DYNC1I1: variants seen among roughly 807,000 people sequenced by gnomAD.
DYNC1I1 encodes dynein cytoplasmic 1 intermediate chain 1.
A neutral mutation model predicts 86.6 loss-of-function variants in DYNC1I1; 43 were observed. That is an observed-to-expected ratio of 0.50 (90% CI 0.39 to 0.64). The LOEUF (loss-of-function observed/expected upper bound fraction) is 0.64. Ranked by LOEUF, DYNC1I1 falls within the 30% of genes least tolerant of loss-of-function variation. The pLI is 0.00. For synonymous variants in DYNC1I1, 262 were observed against 283.7 expected (o/e 0.92, Z 0.77); for missense variants, 604 against 788.8 (o/e 0.77, Z 2.81).
chr7:95,905,654 G>C (rs1005268517), intron 6 of DYNC1I1, among the ~76,000 whole-genome samples: 1 of 151,764 alleles, frequency 6.6e-6, no homozygotes, highest in African/African-American at 2.4e-5. Flanking sequence ...TCTTTCTTCG[G>C]GTAGGGATAG....
chr7:95,943,418 G>A (rs1320146580), intron 6 of DYNC1I1, among the ~76,000 whole-genome samples: 5 of 151,690 alleles, frequency 3.3e-5, no homozygotes, highest in Non-Finnish European at 7.4e-5. Context: ...TGGGTAGGAG[G>A]AATCAATATC....
intron 14 of DYNC1I1, among the ~76,000 whole-genome samples, chr7:96,039,647 C>G (rs1788975717): frequency 1.3e-5 from 2 of 152,088 alleles, no homozygotes. Context: ...AAAATTCAAA[C>G]AATTCAAATA....
chr7:96,011,522 G>A (rs753496652), intron 10 of DYNC1I1, among the ~76,000 whole-genome samples: 4 of 152,086 alleles, frequency 2.6e-5, no homozygotes, highest in Non-Finnish European at 5.9e-5. Context: ...AGGAAAAATT[G>A]CTCAGGAGAA....
intron 8 of DYNC1I1, among the ~76,000 whole-genome samples, 192 bp from the exon 9 acceptor site, chr7:95,986,864 G>A (rs902699156): frequency 2.6e-5 from 4 of 151,990 alleles, no homozygotes; most frequent in Non-Finnish European, 1.5e-5. Context: ...ACCCTTGCCA[G>A]GTCAGGTTAG....
At chr7:96,076,318 G>T in intron 15 of DYNC1I1, 121 bp downstream of exon 15, 4 of 1,390,786 alleles carry the variant, frequency 2.9e-6, no homozygotes, top group South Asian at 1.5e-5. Flanking sequence ...ACTGCAGCAG[G>T]GCTGCCGGCC....
chr7:95,814,470 G>A (rs966041951), intron 4 of DYNC1I1, among the ~76,000 whole-genome samples: 8 of 152,156 alleles, frequency 5.3e-5, no homozygotes, highest in African/African-American at 2.4e-5. Context: ...GTCCTTGTCT[G>A]TGTGCATTTC....
intron 6 of DYNC1I1, among the ~76,000 whole-genome samples, chr7:95,939,247 G>A (rs1480659730): frequency 1.3e-5 from 2 of 152,184 alleles, no homozygotes; most frequent in African/African-American, 4.8e-5. Context: ...TAGGTGTGGT[G>A]TGGTGCTGAA....
At chr7:95,835,835 C>T (rs374680503) in intron 5 of DYNC1I1, among the ~76,000 whole-genome samples, 19 of 151,946 alleles carry the variant, frequency 1.3e-4, no homozygotes, top group South Asian at 2.1e-4. Flanking sequence ...GTAGATCTTC[C>T]TCCATCCTTT....
intron 6 of DYNC1I1, among the ~76,000 whole-genome samples, chr7:95,875,748 C>T (rs1486227976): frequency 5.3e-5 from 8 of 152,270 alleles, no homozygotes; most frequent in Middle Eastern, 3.4e-3. Flanking sequence ...TGGGCACTGG[C>T]ACCCTGTGTT....
At chr7:95,818,382 G>A (rs1794995252) in intron 4 of DYNC1I1, 1 of 488,266 alleles carries the variant, frequency 2.0e-6, no homozygotes, top group Non-Finnish European at 3.7e-6. Context: ...GCTCAATGAA[G>A]CCTCGAATTC....
At chr7:96,046,042 A>G (rs896606092) in intron 14 of DYNC1I1, among the ~76,000 whole-genome samples, 10 of 152,200 alleles carry the variant, frequency 6.6e-5, no homozygotes, top group African/African-American at 2.2e-4. Flanking sequence ...CTGCCGCACC[A>G]CGTTTCATCA....
At position 95,804,719 on chromosome 7, in the gene DYNC1I1, A is replaced by G. The variant is rs748345134; in HGVS notation, c.-9-2A>G. 2.5e-6 allele frequency: 4 copies of G among 1,578,742 alleles called. No homozygotes were observed. In the African/African-American group the frequency reaches 4.1e-5, roughly 16 times the overall value. On this transcript the variant is annotated splice_acceptor_variant, in intron 1 of 16. Coordinates refer to ENST00000447467, the MANE Select transcript of DYNC1I1 (RefSeq NM_001135556.2). LOFTEE classifies it low-confidence loss of function (5UTR_SPLICE). ...TTCACTTTTTTTTTCTCTTTCTCCA[A>G]GGAAACCAACATGTCTGACAAAAGT...
At chr7:95,957,134 A>G (rs1285681172) in intron 6 of DYNC1I1, among the ~76,000 whole-genome samples, 2 of 152,192 alleles carry the variant, frequency 1.3e-5, no homozygotes, top group Non-Finnish European at 2.9e-5. Context: ...TAATGAATAA[A>G]TGATTGTAAA....
At chr7:96,033,395 C>T (rs1302239983) in intron 12 of DYNC1I1, among the ~76,000 whole-genome samples, 2 of 152,164 alleles carry the variant, frequency 1.3e-5, no homozygotes, top group Non-Finnish European at 1.5e-5. Flanking sequence ...GAGAGGCTGT[C>T]AAAGGGAGAC....
Position 96,097,654 on chromosome 7 carries a change from G to A in DYNC1I1, c.*61G>A. On this transcript the variant is annotated 3_prime_UTR_variant, in exon 17 of 17. Transcript: ENST00000447467. ...TGTGTCCTAGAGCTCAGCGTCTGCA[G>A]TCAAGTCTCTTGTATTCGGTGTCCA... is the stretch of plus-strand genomic sequence containing the variant. 6.2e-7 allele frequency: 1 copy of A among 1,603,916 alleles called. No individual in the cohort carries two copies. The highest frequency in any genetic ancestry group is 8.5e-7 in the Non-Finnish European group (1 of 1,174,438).
At chr7:95,943,977 G>A (rs1792318492) in intron 6 of DYNC1I1, among the ~76,000 whole-genome samples, 1 of 152,104 alleles carries the variant, frequency 6.6e-6, no homozygotes, top group Non-Finnish European at 1.5e-5. Flanking sequence ...AGGACTTCAT[G>A]TCTAAAACAC....
chr7:95,859,949 T>G (rs1349547127), intron 5 of DYNC1I1, among the ~76,000 whole-genome samples: 1 of 152,234 alleles, frequency 6.6e-6, no homozygotes, highest in East Asian at 1.9e-4. Flanking sequence ...CTGTGCCACC[T>G]GGCATTGGTG....
intron 4 of DYNC1I1, among the ~76,000 whole-genome samples, chr7:95,815,049 T>TAA (rs1794917424): frequency 6.6e-6 from 1 of 152,138 alleles, no homozygotes; most frequent in African/African-American, 2.4e-5. Context: ...ACCATGATGG[T>TAA]GCGTGTCATT....
chr7:96,109,779 T>C (rs1002100964), intron 16 of DYNC1I1, among the ~76,000 whole-genome samples: 1 of 152,174 alleles, frequency 6.6e-6, no homozygotes, highest in African/African-American at 2.4e-5. Flanking sequence ...TTTTTAAGTT[T>C]ATTGAGACTA....
Sources: allele counts gnomAD v4.1 joint callset (sites outside exome capture counted in the v4.1 genomes callset), GRCh38; gene constraint gnomAD v4.1.1; transcripts MANE v1.5; gene names NCBI Gene and HGNC (gene_info 2026-07-23, HGNC 2026-07-21).